RSF1: variants seen among roughly 807,000 people sequenced by gnomAD.
The protein encoded by RSF1 is remodeling and spacing factor 1.
RSF1 carries 13 observed loss-of-function variants against 145.2 expected under a neutral mutation model. The observed-to-expected ratio is 0.09, with a 90% CI of 0.06 to 0.14. RSF1 has a LOEUF of 0.14. Ranked by LOEUF, RSF1 falls within the 10% of genes least tolerant of loss-of-function variation. The pLI, the probability that RSF1 is intolerant of heterozygous loss-of-function variation, is 1.00. For synonymous variants in RSF1, 577 were observed against 592.6 expected, an observed-to-expected ratio of 0.97 and a Z score of 0.38; for missense variants, 1,517 against 1,718.2, an observed-to-expected ratio of 0.88 and a Z score of 2.07.
Position 77,660,567 on chromosome 11 carries a change from T to C in RSF1, c.*6350A>G, listed in dbSNP as rs1372201980. 1 of 152,112 alleles carries C rather than the reference T, an allele frequency of 6.6e-6. No individual in the cohort carries two copies. The highest frequency in any genetic ancestry group is 2.4e-5 in the African/African-American group (1 of 41,422). The allele number at this position is 152,112 out of a possible 1,614,324, so 9.4% of individuals were successfully genotyped here. ...CATCTCCTAGAAACCAAATAAAACA[T>C]TCTGAGAACCTATTCCAGGAATATT... On this transcript the variant is annotated 3_prime_UTR_variant, in exon 16 of 16. Coordinates refer to ENST00000308488, the MANE Select transcript of RSF1 (RefSeq NM_016578.4).
chr11:77,805,779 A>G (rs1473385704), intron 1 of RSF1, among the ~76,000 whole-genome samples: 1 of 152,240 alleles, frequency 6.6e-6, no homozygotes, highest in Admixed American at 6.5e-5. Context: ...AATAGTACTT[A>G]TATGTAAGTT....
At chr11:77,740,337 T>C (rs1304864998) in intron 4 of RSF1, among the ~76,000 whole-genome samples, 1 of 152,240 alleles carries the variant, frequency 6.6e-6, no homozygotes, top group Non-Finnish European at 1.5e-5. Context: ...ATTGCGCCAT[T>C]GCACTCCAGC....
In RSF1 at chr11:77,676,800, G is replaced by A. The variant is rs1396159875; in HGVS notation, c.3333C>T (p.Ile1111=). ...DEEESEDEFK[I]SDGSQDEFVV... is the part of the protein sequence containing the mutation. ...AGTAGGAGACCACACACCCATCACTGATCTTGAATTCATCCTCGCTCTCTT... is the reference window on the plus strand; with the variant it reads ...AGTAGGAGACCACACACCCATCACTAATCTTGAATTCATCCTCGCTCTCTT... Residue 1111 remains isoleucine (I), a synonymous_variant, in exon 13 of 16, where the codon ATC becomes ATT. Coordinates refer to ENST00000308488, the MANE Select transcript of RSF1 (RefSeq NM_016578.4). 2 of 1,613,736 alleles carry A rather than the reference G, an allele frequency of 1.2e-6. No individual in the cohort carries two copies. Among genetic ancestry groups the A allele is most frequent in the Non-Finnish European group, 1.7e-6 (2 of 1,179,746 alleles).
intron 6 of RSF1, 79 bp downstream of exon 6, chr11:77,700,642 A>T: frequency 1.9e-6 from 2 of 1,026,358 alleles, no homozygotes; most frequent in South Asian, 1.8e-5. Context: ...GTCTTTGATG[A>T]CTAAGTTTTA....
intron 4 of RSF1, among the ~76,000 whole-genome samples, chr11:77,738,499 G>A (rs1961422396): frequency 6.6e-6 from 1 of 152,152 alleles, no homozygotes; most frequent in Non-Finnish European, 1.5e-5. Flanking sequence ...AAGGGCTTAA[G>A]CATTTACACA....
chr11:77,856,418 G>T, the RSF1 span, among the ~76,000 whole-genome samples: 1 of 152,008 alleles, frequency 6.6e-6, no homozygotes, highest in African/African-American at 2.4e-5. Context: ...TCCACCCTCT[G>T]CCCATTACCT....
intron 4 of RSF1, among the ~76,000 whole-genome samples, chr11:77,727,992 A>G (rs1465743835): frequency 6.6e-6 from 1 of 152,180 alleles, no homozygotes; most frequent in African/African-American, 2.4e-5. Context: ...AATTTTTATG[A>G]ATTCCCTCAA....
intron 1 of RSF1, among the ~76,000 whole-genome samples, chr11:77,775,630 A>C (rs1454835784): frequency 1.3e-5 from 2 of 152,198 alleles, no homozygotes; most frequent in African/African-American, 2.4e-5. Flanking sequence ...TGTATATTCC[A>C]TAGGTATTTA....
intron 7 of RSF1, among the ~76,000 whole-genome samples, chr11:77,694,780 T>C (rs886563701): frequency 4.6e-5 from 7 of 152,218 alleles, no homozygotes; most frequent in South Asian, 2.1e-4. Flanking sequence ...CATTCAGTTA[T>C]GTTTTGTTAG....
At chr11:77,684,875 T>C (rs1342523606) in intron 10 of RSF1, among the ~76,000 whole-genome samples, 1 of 152,078 alleles carries the variant, frequency 6.6e-6, no homozygotes, top group African/African-American at 2.4e-5. Context: ...TAATCCCAGC[T>C]ACTCAGGAGG....
At chr11:77,695,643 A>AT (rs1960261805) in intron 7 of RSF1, among the ~76,000 whole-genome samples, 1 of 151,668 alleles carries the variant, frequency 6.6e-6, no homozygotes, top group African/African-American at 2.4e-5. Flanking sequence ...AACATCTTGT[A>AT]TTTTCCCTGC....
chr11:77,684,040 G>C (rs1959938608), intron 10 of RSF1, among the ~76,000 whole-genome samples: 1 of 152,200 alleles, frequency 6.6e-6, no homozygotes, highest in South Asian at 2.1e-4. Flanking sequence ...TTAAAATTCT[G>C]ACGCTTTTGT....
chr11:77,771,744 A>C (rs1448868033), intron 1 of RSF1, among the ~76,000 whole-genome samples: 1 of 152,196 alleles, frequency 6.6e-6, no homozygotes, highest in African/African-American at 2.4e-5. Flanking sequence ...CTACTTTTAT[A>C]TATTTCACAT....
In RSF1 at chr11:77,699,691, A is replaced by G. The variant is rs1036663967; in HGVS notation, c.2509-998T>C. 3.3e-5 allele frequency among the ~76,000 whole-genome samples: 5 copies of G among 152,212 alleles called. No individual in the cohort carries two copies. In the South Asian group the frequency reaches 1.0e-3, roughly 32 times the overall value. ...TATTAATGGAGCCTTTTTGGAGGGC[A>G]ATGTGGAAGTAGCTATCAAAACTTA... On this transcript the variant is annotated intron_variant, in intron 6 of 15. Transcript: ENST00000308488.
rs1044989621 is a variant in RSF1 at position 77,665,185 on chromosome 11, T to C, written c.*1732A>G. ...AAAGTTCCTAGAGAGGTATTTATAA[T>C]GCAAATCTAATGCCAGCTTTTTAGT... On this transcript the variant is annotated 3_prime_UTR_variant, in exon 16 of 16. Transcript: ENST00000308488. 2 of 152,242 alleles carry C rather than the reference T, an allele frequency of 1.3e-5. No individual in the cohort carries two copies. Among genetic ancestry groups the C allele is most frequent in the African/African-American group, 2.4e-5 (1 of 41,456 alleles). 9.4% of individuals were successfully genotyped at this position (152,242 alleles called of 1,614,324 possible). A position where few individuals can be genotyped will look rare whatever the true frequency, so the allele number is the denominator to read the frequency against.
At chr11:77,849,503 C>A in the RSF1 span, among the ~76,000 whole-genome samples, 1 of 152,144 alleles carries the variant, frequency 6.6e-6, no homozygotes, top group Non-Finnish European at 1.5e-5. Flanking sequence ...GGATTATTGG[C>A]GTGAGCCACT....
intron 1 of RSF1, among the ~76,000 whole-genome samples, chr11:77,774,346 T>G (rs1214346045): frequency 6.6e-6 from 1 of 152,148 alleles, no homozygotes; most frequent in African/African-American, 2.4e-5. Context: ...CTCACGCCTG[T>G]AATCCCAGCA....
chr11:77,759,193 T>C (rs1348038072), intron 2 of RSF1, among the ~76,000 whole-genome samples: 2 of 152,210 alleles, frequency 1.3e-5, no homozygotes, highest in African/African-American at 2.4e-5. Flanking sequence ...TTTTATACTA[T>C]AGGCAACAGT....
chr11:77,862,575 G>A, the RSF1 span, among the ~76,000 whole-genome samples: 1 of 152,166 alleles, frequency 6.6e-6, no homozygotes, highest in Non-Finnish European at 1.5e-5. Context: ...GGATCGTTTA[G>A]GTTGAAGGGG....
Sources: gnomAD v4.1 joint callset for allele counts (sites outside exome capture counted in the v4.1 genomes callset) on GRCh38, gnomAD v4.1.1 for gene constraint, MANE v1.5 for transcripts, NCBI Gene and HGNC (gene_info 2026-07-23, HGNC 2026-07-21) for gene names.